Variants in NOL10 observed in about 807,000 individuals in gnomAD.
NOL10 encodes the protein nucleolar protein 10.
A neutral mutation model predicts 103.5 loss-of-function variants in NOL10; 58 were observed. The ratio of observed to expected loss-of-function variants is 0.56; its 90% CI spans 0.45 to 0.70. The LOEUF is 0.70. Among genes scored for constraint, NOL10 ranks in the 30% least tolerant of loss-of-function variants. NOL10 has a pLI of 0.00. For missense variants in NOL10, 763 were observed against 807.3 expected, an observed-to-expected ratio of 0.95 and a Z score of 0.67; for synonymous variants, 287 against 282.5, an observed-to-expected ratio of 1.02 and a Z score of -0.16.
intron 17 of NOL10, among the ~76,000 whole-genome samples, chr2:10,598,845 TTTTAAATTACAATATAATGA>T (rs1675833810): frequency 6.6e-6 from 1 of 152,212 alleles, no homozygotes; most frequent in Non-Finnish European, 1.5e-5. Context: ...ATTCCTAATG[TTTTAAATTACAATATAATGA>T]AAAGATCCTA....
In NOL10 at chr2:10,614,372, T is replaced by C. The variant is rs76853633; in HGVS notation, c.1027-7061A>G. Among the ~76,000 whole-genome samples the C allele has an allele frequency of 7.1e-3, 1,086 of 152,256 alleles. 59 individuals are homozygous for C. The East Asian group carries it at 0.11, about 16-fold the overall frequency. Reference sequence around the variant, plus strand: ...TGTTGCCCAGGCTGGAGTGCAGTGGTATGACCATAGCTCACTGCAGTGAGG... The same window carrying C: ...TGTTGCCCAGGCTGGAGTGCAGTGGCATGACCATAGCTCACTGCAGTGAGG... On this transcript the variant is annotated intron_variant, in intron 13 of 20. Transcript: ENST00000381685.
At chr2:10,599,606 T>G (rs1207818138) in intron 17 of NOL10, among the ~76,000 whole-genome samples, 1 of 152,180 alleles carries the variant, frequency 6.6e-6, no homozygotes. Context: ...GTCATGAAAA[T>G]GGAAACCTAA....
chr2:10,639,724 A>AG (rs771973804), intron 13 of NOL10, among the ~76,000 whole-genome samples: 60 of 152,336 alleles, frequency 3.9e-4, no homozygotes, highest in Non-Finnish European at 8.2e-4. Flanking sequence ...TATGTTTCAG[A>AG]GGAAAAAGCA....
chr2:10,606,507 T>C (rs1676266606), intron 14 of NOL10, among the ~76,000 whole-genome samples: 1 of 150,148 alleles, frequency 6.7e-6, no homozygotes, highest in South Asian at 2.1e-4. Context: ...ACTCGGGAGG[T>C]TGAGGTAGGA....
At position 10,672,195 on chromosome 2, in the gene NOL10, C is replaced by T. The variant is rs181169607; in HGVS notation, c.328-505G>A. 2.1e-3 allele frequency among the ~76,000 whole-genome samples: 324 copies of T among 152,106 alleles called. 2 individuals are homozygous for T. The highest frequency in any genetic ancestry group is 7.5e-3 in the African/African-American group (311 of 41,528). ...ACACAAAATTAGCTGGGCATGGTGG[C>T]GCATGCCTGTAATCCCAGCTACTCA... On this transcript the variant is annotated intron_variant, in intron 5 of 20. Transcript: ENST00000381685.
chr2:10,572,419 A>G (rs1304517299), intron 20 of NOL10, among the ~76,000 whole-genome samples: 2 of 152,130 alleles, frequency 1.3e-5, no homozygotes, highest in African/African-American at 2.4e-5. Context: ...TCAATGCAAA[A>G]GCAGAAATTC....
At position 10,688,886 on chromosome 2, in the gene NOL10, C is replaced by A. The variant is rs34685646; in HGVS notation, c.66+910G>T. Among the ~76,000 whole-genome samples, 703 of 152,314 alleles carry A rather than the reference C, an allele frequency of 4.6e-3. 3 individuals are homozygous for A. The highest frequency in any genetic ancestry group is 7.7e-3 in the Non-Finnish European group (527 of 68,038). ...CAGAATTTTAGGAAGAAAGGAAAAACCTAAGCACTGGCTCCAAATTTTTGT... is the reference window on the plus strand; with the variant it reads ...CAGAATTTTAGGAAGAAAGGAAAAAACTAAGCACTGGCTCCAAATTTTTGT... On this transcript the variant is annotated intron_variant, in intron 1 of 20. Transcript: ENST00000381685.
intron 12 of NOL10, among the ~76,000 whole-genome samples, chr2:10,649,311 A>ATTTTTTTTTTTTTTTTTTTT (rs56031158): frequency 2.0e-5 from 2 of 99,046 alleles, no homozygotes; most frequent in African/African-American, 8.3e-5. Context: ...GTATGTTTGA[A>ATTTTTTTTTTTTTTTTTTTT]TTTTTTTTTT....
chr2:10,661,993 A>G (rs1022585532), intron 9 of NOL10, among the ~76,000 whole-genome samples: 3 of 151,940 alleles, frequency 2.0e-5, no homozygotes, highest in Admixed American at 6.6e-5. Flanking sequence ...TGTTTTTCTG[A>G]TAACAATGTG....
intron 9 of NOL10, among the ~76,000 whole-genome samples, chr2:10,660,400 C>T (rs1443854669): frequency 6.6e-6 from 1 of 152,184 alleles, no homozygotes; most frequent in Non-Finnish European, 1.5e-5. Flanking sequence ...TCTCTGCAAC[C>T]TCCACCTTCC....
chr2:10,678,352 C>A (rs1168656273), intron 3 of NOL10, among the ~76,000 whole-genome samples: 1 of 150,844 alleles, frequency 6.6e-6, no homozygotes, highest in Non-Finnish European at 1.5e-5. Context: ...GTGTACCCTG[C>A]TGTTTTTTAT....
intron 12 of NOL10, among the ~76,000 whole-genome samples, chr2:10,650,353 C>T (rs1011064176): frequency 6.6e-6 from 1 of 151,630 alleles, no homozygotes; most frequent in African/African-American, 2.4e-5. Flanking sequence ...TTAGTAGAGA[C>T]AGAGTCTTGC....
intron 20 of NOL10, among the ~76,000 whole-genome samples, chr2:10,572,797 C>T (rs13011270): frequency 0.25 from 37,660 of 152,018 alleles, 6,506 homozygotes; most frequent in African/African-American, 0.45. Flanking sequence ...GCCAGGCAGA[C>T]GATGCACACG....
At chr2:10,577,070 TA>T in intron 20 of NOL10, among the ~76,000 whole-genome samples, 1 of 148,630 alleles carries the variant, frequency 6.7e-6, no homozygotes, top group South Asian at 2.1e-4. Context: ...ATGTGACAGG[TA>T]TTATTACCAC....
chr2:10,669,112 T>C (rs1680743450), intron 6 of NOL10, among the ~76,000 whole-genome samples: 1 of 151,868 alleles, frequency 6.6e-6, no homozygotes, highest in Non-Finnish European at 1.5e-5. Context: ...TTGTTTTTGA[T>C]ATGGGGTTTT....
intron 13 of NOL10, among the ~76,000 whole-genome samples, chr2:10,608,047 C>CA (rs1382395376): frequency 1.3e-5 from 2 of 151,920 alleles, no homozygotes; most frequent in Middle Eastern, 3.2e-3. Context: ...GATCTCATTA[C>CA]AAAAAATGGT....
intron 20 of NOL10, among the ~76,000 whole-genome samples, chr2:10,577,314 T>C (rs575641144): frequency 2.0e-5 from 3 of 152,172 alleles, no homozygotes; most frequent in African/African-American, 7.2e-5. Flanking sequence ...GATGGGACTT[T>C]TGCTTTATAA....
At chr2:10,671,425 T>G in intron 6 of NOL10, 129 bp downstream of exon 6, 1 of 723,126 alleles carries the variant, frequency 1.4e-6, no homozygotes, top group Non-Finnish European at 2.0e-6. Flanking sequence ...TTTTTTTTTT[T>G]TACAAGAGCC....
At chr2:10,647,666 G>C (rs1679173979) in intron 12 of NOL10, among the ~76,000 whole-genome samples, 1 of 152,190 alleles carries the variant, frequency 6.6e-6, no homozygotes, top group Admixed American at 6.5e-5. Context: ...AAGGGGACTG[G>C]CAGGGGCGCT....
Sources: allele counts gnomAD v4.1 joint callset (sites outside exome capture counted in the v4.1 genomes callset), GRCh38; gene constraint gnomAD v4.1.1; transcripts MANE v1.5; gene names NCBI Gene and HGNC (gene_info 2026-07-23, HGNC 2026-07-21).